The following MLLT1 variants were observed in gnomAD, a reference collection of about 807,000 sequenced individuals.
MLLT1 encodes the protein protein ENL.
MLLT1 carries 11 observed loss-of-function variants against 55.1 expected under a neutral mutation model. The ratio of observed to expected loss-of-function variants is 0.20; its 90% CI spans 0.13 to 0.33. The LOEUF is 0.33. Among genes scored for constraint, MLLT1 ranks in the 10% least tolerant of loss-of-function variants. MLLT1 has a pLI of 1.00. For missense variants in MLLT1, 536 were observed against 760.6 expected, an observed-to-expected ratio of 0.70 and a Z score of 3.47; for synonymous variants, 323 against 320.1, an observed-to-expected ratio of 1.01 and a Z score of -0.10.
chr19:6,212,574 C>G lies in MLLT1; in HGVS notation c.*468G>C. 9.2e-7 allele frequency: 1 copy of G among 1,088,666 alleles called. No individual in the cohort carries two copies. Among genetic ancestry groups the G allele is most frequent in the Non-Finnish European group, 1.1e-6 (1 of 895,674 alleles). 67.4% of individuals were successfully genotyped at this position (1,088,666 alleles called of 1,614,324 possible). On this transcript the variant is annotated 3_prime_UTR_variant, in exon 12 of 12. Coordinates refer to ENST00000252674, the MANE Select transcript of MLLT1 (RefSeq NM_005934.4). ...CGCTAGGTCTACACGGAGGACGACGCAGACACACAGGCAGGGCCTTCTGAG... is the reference window on the plus strand; with the variant it reads ...CGCTAGGTCTACACGGAGGACGACGGAGACACACAGGCAGGGCCTTCTGAG...
At position 6,235,170 on chromosome 19, in the gene MLLT1, C is replaced by T. The variant is rs2091047979; in HGVS notation, c.277-4457G>A. Among the ~76,000 whole-genome samples, 2 of 152,202 alleles carry T rather than the reference C, an allele frequency of 1.3e-5. No homozygotes were observed. Among genetic ancestry groups the T allele is most frequent in the South Asian group, 4.1e-4 (2 of 4,832 alleles). On this transcript the variant is annotated intron_variant, in intron 3 of 11. Transcript: ENST00000252674. This position sits in a 1 kb window ranked among gnomAD's most constrained non-coding sequence, Gnocchi z 5.5. ...GGGACCACCTTTGGGTGGGTGACGG[C>T]TACGAGGGGGTTTGTTGCATCTGCC...
At chr19:6,223,688 G>A (rs917179971) in intron 5 of MLLT1, among the ~76,000 whole-genome samples, 1 of 152,150 alleles carries the variant, frequency 6.6e-6, no homozygotes, top group Admixed American at 6.5e-5. Context: ...CCTGGGCGCT[G>A]CTGCTTGTAT....
At chr19:6,236,260 G>C (rs1279136917) in intron 3 of MLLT1, among the ~76,000 whole-genome samples, 1 of 152,200 alleles carries the variant, frequency 6.6e-6, no homozygotes, top group East Asian at 1.9e-4. Flanking sequence ...GCAGAGCGCT[G>C]ATGGTGACCA....
chr19:6,263,823 T>TG (rs545781336), intron 2 of MLLT1, among the ~76,000 whole-genome samples: 108 of 151,556 alleles, frequency 7.1e-4, no homozygotes, highest in African/African-American at 2.4e-3. Flanking sequence ...GAGTCTGCCA[T>TG]GGGGGCGCCG....
At chr19:6,223,081 A>G (rs1247998110) in intron 5 of MLLT1, among the ~76,000 whole-genome samples, 2 of 150,192 alleles carry the variant, frequency 1.3e-5, no homozygotes, top group Non-Finnish European at 3.0e-5. Context: ...GCTGGCGGGC[A>G]CTGGACGCAG....
At chr19:6,250,966 C>G (rs1197826433) in intron 3 of MLLT1, among the ~76,000 whole-genome samples, 1 of 152,046 alleles carries the variant, frequency 6.6e-6, no homozygotes, top group African/African-American at 2.4e-5. Flanking sequence ...ACAAATACGG[C>G]AGAAAGAAGG....
In MLLT1 at chr19:6,222,796, C is replaced by T. The variant is rs376846085; in HGVS notation, c.547-112G>A. On this transcript the variant is annotated intron_variant, in intron 5 of 11. Transcript: ENST00000252674. The surrounding 1 kb of genome is among the most constrained non-coding windows in gnomAD (Gnocchi z 4.1). ...ACAAAGCATAATCCACCTGATTCAG[C>T]CTCAGCTAGAGAAACTCTTCCATAA... 57 of 835,974 alleles carry T rather than the reference C, an allele frequency of 6.8e-5. No individual in the cohort carries two copies. The African/African-American group carries it at 9.3e-4, about 14-fold the overall frequency. 51.8% of individuals were successfully genotyped at this position (835,974 alleles called of 1,614,324 possible). A position where few individuals can be genotyped will look rare whatever the true frequency, so the allele number is the denominator to read the frequency against.
intron 6 of MLLT1, 140 bp from the exon 7 acceptor site, chr19:6,218,181 G>A (rs548192070): frequency 2.8e-5 from 37 of 1,305,444 alleles, no homozygotes; most frequent in East Asian, 8.4e-5. Context: ...GGGTACCCAC[G>A]TGTGCCGCTG....
In MLLT1 at chr19:6,211,684, G is replaced by A. The variant is rs2090773578; in HGVS notation, c.*1358C>T. On this transcript the variant is annotated 3_prime_UTR_variant, in exon 12 of 12. Coordinates refer to ENST00000252674, the MANE Select transcript of MLLT1 (RefSeq NM_005934.4). This position sits in a 1 kb window ranked among gnomAD's most constrained non-coding sequence, Gnocchi z 4.6. ...GAAAGTCAGGGGGTTGAGAGGACTGGAGGCGCCTCGAGTCAATGTCTGGGA... is the reference window on the plus strand; with the variant it reads ...GAAAGTCAGGGGGTTGAGAGGACTGAAGGCGCCTCGAGTCAATGTCTGGGA... 41 of 1,064,432 alleles carry A rather than the reference G, an allele frequency of 3.9e-5. No homozygotes were observed. Among genetic ancestry groups the A allele is most frequent in the South Asian group, 9.1e-5 (2 of 21,978 alleles). 65.9% of individuals were successfully genotyped at this position (1,064,432 alleles called of 1,614,324 possible). A position where few individuals can be genotyped will look rare whatever the true frequency, so the allele number is the denominator to read the frequency against.
At chr19:6,228,603 G>T (rs1454467554) in intron 4 of MLLT1, among the ~76,000 whole-genome samples, 1 of 152,330 alleles carries the variant, frequency 6.6e-6, no homozygotes, top group African/African-American at 2.4e-5. Flanking sequence ...GAGGAGCAGA[G>T]AAAGCAGCGC....
At chr19:6,238,015 G>T (rs1031991188) in intron 3 of MLLT1, among the ~76,000 whole-genome samples, 4 of 151,466 alleles carry the variant, frequency 2.6e-5, no homozygotes, top group Non-Finnish European at 4.4e-5. Context: ...TGAGGCAGAA[G>T]GATCCCTTAA....
chr19:6,212,781 A>G lies in MLLT1; in HGVS notation c.*261T>C. The G allele has an allele frequency of 1.0e-6, 1 of 957,460 alleles. No individual in the cohort carries two copies. Among genetic ancestry groups the G allele is most frequent in the Non-Finnish European group, 1.4e-6 (1 of 722,762 alleles). The allele number at this position is 957,460 out of a possible 1,614,324, so 59.3% of individuals were successfully genotyped here. On this transcript the variant is annotated 3_prime_UTR_variant, in exon 12 of 12. Coordinates refer to ENST00000252674, the MANE Select transcript of MLLT1 (RefSeq NM_005934.4). ...CTGTCTCTGCCCAGAGCTGCCTTCA[A>G]CACCAGCCGCTCTCTGAGGGGAGCC...
Position 6,211,974 on chromosome 19 carries a change from T to C in MLLT1, c.*1068A>G. 2 of 1,065,076 alleles carry C rather than the reference T, an allele frequency of 1.9e-6. No individual in the cohort carries two copies. Among genetic ancestry groups the C allele is most frequent in the Non-Finnish European group, 2.3e-6 (2 of 878,822 alleles). 66.0% of individuals were successfully genotyped at this position (1,065,076 alleles called of 1,614,324 possible). On this transcript the variant is annotated 3_prime_UTR_variant, in exon 12 of 12. Coordinates refer to ENST00000252674, the MANE Select transcript of MLLT1 (RefSeq NM_005934.4). The surrounding 1 kb of genome is among the most constrained non-coding windows in gnomAD (Gnocchi z 4.6). ...CCGGCCAACCCACCGGGCCTGCTGA[T>C]GGCCGAGCCCACGCTCGAGGGGCTG... is the stretch of plus-strand genomic sequence containing the variant.
intron 4 of MLLT1, among the ~76,000 whole-genome samples, chr19:6,228,899 C>T (rs1341220517): frequency 1.3e-5 from 2 of 152,184 alleles, no homozygotes; most frequent in Non-Finnish European, 2.9e-5. Flanking sequence ...CCTGCTTCAG[C>T]CTGCGCGTCT....
chr19:6,237,309 G>T (rs1032694481), intron 3 of MLLT1, among the ~76,000 whole-genome samples: 1 of 152,254 alleles, frequency 6.6e-6, no homozygotes, highest in Middle Eastern at 3.4e-3. Flanking sequence ...CCCAATCCTG[G>T]ATGTGAGGGG....
chr19:6,213,213 G>A (rs369647101), intron 11 of MLLT1, 43 bp from the exon 12 acceptor site: 1 of 1,613,318 alleles, frequency 6.2e-7, no homozygotes, highest in South Asian at 1.1e-5. Flanking sequence ...GGGGGCCAAG[G>A]GTGGGGTTGC....
intron 3 of MLLT1, among the ~76,000 whole-genome samples, chr19:6,237,118 G>A (rs905614022): frequency 1.3e-5 from 2 of 152,254 alleles, no homozygotes; most frequent in African/African-American, 4.8e-5. Context: ...ACGCCTGCTG[G>A]TGCTCCTTGG....
At chr19:6,215,297 T>A (rs1205540865) in intron 8 of MLLT1, among the ~76,000 whole-genome samples, 1 of 152,182 alleles carries the variant, frequency 6.6e-6, no homozygotes. Context: ...AACCGAACCT[T>A]CCGTCAGCCT....
rs991685483 is a variant in MLLT1 at position 6,226,226 on chromosome 19, G to T, written c.546+751C>A. 3.3e-5 allele frequency among the ~76,000 whole-genome samples: 5 copies of T among 152,212 alleles called. No individual in the cohort carries two copies. The highest frequency in any genetic ancestry group is 1.3e-4 in the Admixed American group (2 of 15,280). Reference sequence around the variant, plus strand: ...GAGAGATGTGTGGGTGGCAGGCACCGGGCAGCTGCCCCGAGGGCCCGTGCC... The same window carrying T: ...GAGAGATGTGTGGGTGGCAGGCACCTGGCAGCTGCCCCGAGGGCCCGTGCC... On this transcript the variant is annotated intron_variant, in intron 5 of 11. Transcript: ENST00000252674. The surrounding 1 kb of genome is among the most constrained non-coding windows in gnomAD (Gnocchi z 6.3).
Sources: allele counts gnomAD v4.1 joint callset (sites outside exome capture counted in the v4.1 genomes callset), GRCh38; gene constraint gnomAD v4.1.1; non-coding constraint Gnocchi (gnomAD v3.1); transcripts MANE v1.5; gene names NCBI Gene and HGNC (gene_info 2026-07-23, HGNC 2026-07-21).